The following CELF2 variants were observed in gnomAD, a reference collection of about 807,000 sequenced individuals.
CELF2 encodes the protein CUGBP Elav-like family member 2.
A neutral mutation model predicts 62.6 loss-of-function variants in CELF2; 8 were observed. The observed-to-expected ratio is 0.13, with a 90% CI of 0.07 to 0.23. The LOEUF is 0.23. Ranked by LOEUF, CELF2 falls within the 10% of genes least tolerant of loss-of-function variation. The pLI is 1.00. For synonymous variants in CELF2, 258 were observed against 250.0 expected, an observed-to-expected ratio of 1.03 and a Z score of -0.30; for missense variants, 333 against 671.0, an observed-to-expected ratio of 0.50 and a Z score of 5.56.
chr10:11,130,422 C>T (rs565542954), intron 1 of CELF2, among the ~76,000 whole-genome samples: 78 of 152,312 alleles, frequency 5.1e-4, no homozygotes, highest in African/African-American at 1.8e-3. Flanking sequence ...CCTTGCACCC[C>T]AGGATGGAAG....
At chr10:11,200,891 G>A (rs1000694284) in intron 2 of CELF2, among the ~76,000 whole-genome samples, 1 of 152,226 alleles carries the variant, frequency 6.6e-6, no homozygotes, top group Admixed American at 6.5e-5. Flanking sequence ...AATGAAATTT[G>A]AGAATTGTTC....
the CELF2 span, among the ~76,000 whole-genome samples, chr10:10,586,588 T>C: frequency 6.6e-6 from 1 of 152,146 alleles, no homozygotes; most frequent in Non-Finnish European, 1.5e-5. Context: ...TGCCGTGTAG[T>C]GGGAAAACTG....
chr10:10,551,438 C>T, the CELF2 span, among the ~76,000 whole-genome samples: 1 of 152,014 alleles, frequency 6.6e-6, no homozygotes, highest in African/African-American at 2.4e-5. Flanking sequence ...GCCTTTGGCC[C>T]GGCAGCTGGG....
Position 10,906,207 on chromosome 10 carries a change from G to A in CELF2, c.54-13757G>A, listed in dbSNP as rs1170973875. ...CAGGTCTGCTAATTCAACAGGATAC[G>A]TGGTGAAAATATTCTTAATTTCCAG... On this transcript the variant is annotated intron_variant, in intron 1 of 13. Coordinates refer to the CELF2 transcript ENST00000636488. Among the ~76,000 whole-genome samples, 8 of 152,298 alleles carry A rather than the reference G, an allele frequency of 5.3e-5. No homozygotes were observed. The East Asian group carries it at 7.7e-4, about 15-fold the overall frequency.
rs939021865 is a variant in CELF2, at chr10:11,332,552, G to A, written c.*3499G>A. On this transcript the variant is annotated 3_prime_UTR_variant, in exon 13 of 13. Coordinates refer to ENST00000633077, the MANE Select transcript of CELF2 (RefSeq NM_001326342.2). ...TTTAAAGTGCCATATGACTTTCTAC[G>A]AACAGGTACCTTGCTGTCTTGACAA... 5.3e-5 allele frequency: 8 copies of A among 151,568 alleles called. No homozygotes were observed. The highest frequency in any genetic ancestry group is 4.4e-5 in the Non-Finnish European group (3 of 68,006). The allele number at this position is 151,568 out of a possible 1,614,324, so 9.4% of individuals were successfully genotyped here. A position where few individuals can be genotyped will look rare whatever the true frequency, so the allele number is the denominator to read the frequency against.
the CELF2 span, among the ~76,000 whole-genome samples, chr10:10,760,315 G>C: frequency 2.0e-5 from 3 of 152,178 alleles, no homozygotes; most frequent in East Asian, 5.8e-4. Context: ...CCTGACTCTA[G>C]GAGTGTTCTG....
upstream of CELF2, among the ~76,000 whole-genome samples, chr10:11,013,526 A>G (rs953119092): frequency 3.9e-5 from 6 of 152,186 alleles, no homozygotes; most frequent in African/African-American, 1.4e-4. The surrounding 1 kb of genome is among the most constrained non-coding windows in gnomAD (Gnocchi z 4.1). Flanking sequence ...AGATAAATTC[A>G]TCATGATGTA....
the CELF2 span, among the ~76,000 whole-genome samples, chr10:10,502,371 G>A: frequency 6.6e-6 from 1 of 151,840 alleles, no homozygotes; most frequent in South Asian, 2.1e-4. Flanking sequence ...TGGTATTAGG[G>A]TCCCAAATTC....
intron 1 of CELF2, among the ~76,000 whole-genome samples, chr10:10,827,939 A>G (rs1475635035): frequency 6.6e-6 from 1 of 151,504 alleles, no homozygotes; most frequent in Non-Finnish European, 1.5e-5. Flanking sequence ...AATCAAAACC[A>G]TAAATGAATG....
chr10:11,064,833 G>A (rs1256303905), intron 1 of CELF2, among the ~76,000 whole-genome samples: 1 of 152,136 alleles, frequency 6.6e-6, no homozygotes, highest in South Asian at 2.1e-4. Context: ...TGCTTGAGCT[G>A]GGATAAACCT....
At chr10:10,875,738 T>A (rs2061044104) in intron 1 of CELF2, among the ~76,000 whole-genome samples, 1 of 152,102 alleles carries the variant, frequency 6.6e-6, no homozygotes, top group Admixed American at 6.6e-5. Flanking sequence ...TAAAGTACAG[T>A]ATGTTATTTA....
At chr10:11,278,820 T>G (rs1246279558) in intron 8 of CELF2, among the ~76,000 whole-genome samples, 1 of 152,158 alleles carries the variant, frequency 6.6e-6, no homozygotes, top group Non-Finnish European at 1.5e-5. Context: ...AACAACCTGA[T>G]GAAGTAGGGA....
rs2074368638 is a variant in CELF2 at position 11,242,805 on chromosome 10, G to A, written c.355-6348G>A. On this transcript the variant is annotated intron_variant, in intron 3 of 12. Transcript: ENST00000633077. This position sits in a 1 kb window ranked among gnomAD's most constrained non-coding sequence, Gnocchi z 4.8. Reference sequence around the variant, plus strand: ...GACCCTGTGTGTGTGTAGGGAGGGAGAAGAGGTGGGAGGACCATGGGCTGC... The same window carrying A: ...GACCCTGTGTGTGTGTAGGGAGGGAAAAGAGGTGGGAGGACCATGGGCTGC... Among the ~76,000 whole-genome samples, 1 of 152,164 alleles carries A rather than the reference G, an allele frequency of 6.6e-6. No homozygotes were observed. The highest frequency in any genetic ancestry group is 2.1e-4 in the South Asian group (1 of 4,824).
chr10:10,616,760 C>G, the CELF2 span, among the ~76,000 whole-genome samples: 1 of 151,166 alleles, frequency 6.6e-6, no homozygotes, highest in Admixed American at 6.6e-5. Flanking sequence ...TATTCTGTCA[C>G]TCAGGCTGGA....
intron 3 of CELF2, among the ~76,000 whole-genome samples, chr10:11,228,936 G>C (rs777731822): frequency 1.6e-4 from 25 of 152,276 alleles, no homozygotes; most frequent in Non-Finnish European, 2.2e-4. Flanking sequence ...GTCGGTTCTG[G>C]TTTCTTTGAA....
At chr10:10,569,055 A>G in the CELF2 span, among the ~76,000 whole-genome samples, 1 of 152,204 alleles carries the variant, frequency 6.6e-6, no homozygotes, top group Non-Finnish European at 1.5e-5. Context: ...CATTTACTTG[A>G]AACAGAGCAG....
chr10:10,755,238 T>C, the CELF2 span, among the ~76,000 whole-genome samples: 6 of 152,218 alleles, frequency 3.9e-5, no homozygotes, highest in Non-Finnish European at 1.5e-5. Context: ...TTACACCAGA[T>C]ACTTGGGATG....
upstream of CELF2, among the ~76,000 whole-genome samples, chr10:10,798,116 C>T (rs1228345966): frequency 6.6e-6 from 1 of 152,114 alleles, no homozygotes; most frequent in East Asian, 1.9e-4. Context: ...AGCAAAAAAT[C>T]CCTGCCAGAA....
the CELF2 span, among the ~76,000 whole-genome samples, chr10:10,738,408 C>T: frequency 1.1e-4 from 17 of 152,212 alleles, no homozygotes; most frequent in East Asian, 5.8e-4. Context: ...GACTTGACAG[C>T]GGAGAAGCCT....
Sources: gnomAD v4.1 joint callset for allele counts (sites outside exome capture counted in the v4.1 genomes callset) on GRCh38, gnomAD v4.1.1 for gene constraint, Gnocchi (gnomAD v3.1) non-coding constraint, MANE v1.5 for transcripts, NCBI Gene and HGNC (gene_info 2026-07-23, HGNC 2026-07-21) for gene names.